Variants in CSMD1 observed in about 807,000 individuals in gnomAD.
CSMD1 encodes the protein CUB and sushi domain-containing protein 1.
A neutral mutation model predicts 417.5 loss-of-function variants in CSMD1; 213 were observed. That is an observed-to-expected ratio of 0.51 (90% confidence interval 0.46 to 0.57). The LOEUF is 0.57. Ranked by LOEUF, CSMD1 falls within the 20% of genes least tolerant of loss-of-function variation. CSMD1 has a pLI of 0.00. For missense variants in CSMD1, 6,923 were observed against 4,529.7 expected (o/e 1.53, Z -15.17); for synonymous variants, 2,862 against 1,736.8 (o/e 1.65, Z -16.11).
chr8:3,484,174 A>C (rs980269446), intron 11 of CSMD1, among the ~76,000 whole-genome samples: 1 of 152,228 alleles, frequency 6.6e-6, no homozygotes, highest in African/African-American at 2.4e-5. Flanking sequence ...ACTCCGCCTG[A>C]TATTAACATT....
chr8:4,474,928 G>A (rs1191593264), intron 2 of CSMD1, among the ~76,000 whole-genome samples: 1 of 152,128 alleles, frequency 6.6e-6, no homozygotes, highest in African/African-American at 2.4e-5. Context: ...TACAAAATGT[G>A]TTAATTGACG....
At chr8:3,301,674 T>C (rs1042670561) in intron 25 of CSMD1, among the ~76,000 whole-genome samples, 1 of 152,108 alleles carries the variant, frequency 6.6e-6, no homozygotes. Flanking sequence ...GTCGAAAGTA[T>C]CCATGAGCAG....
chr8:3,958,676 G>C (rs900051090), intron 5 of CSMD1, among the ~76,000 whole-genome samples: 6 of 152,134 alleles, frequency 3.9e-5, no homozygotes, highest in Non-Finnish European at 7.4e-5. Context: ...AAATGTCAAA[G>C]AGGGAAATGG....
At position 3,553,168 on chromosome 8, in the gene CSMD1, C is replaced by T. The variant is rs76758913; in HGVS notation, c.1344+21777G>A. Among the ~76,000 whole-genome samples the T allele has an allele frequency of 8.2e-4, 125 of 151,660 alleles. No homozygotes were observed. In the East Asian group the frequency reaches 0.023, roughly 28 times the overall value. ...AAGACCTACTCTGAATATCTTTCAT[C>T]AGTTTCAGGCTGTGCTAAATGCAAT... On this transcript the variant is annotated intron_variant, in intron 10 of 69. Transcript: ENST00000635120.
rs141522066 is a variant in CSMD1 at position 4,668,166 on chromosome 8, T to C, written c.86-30608A>G. ...TTTTCTGAAGTTTAATCAACTGCAC[T>C]GCCATGGATTTGAGTATAATAACTT... On this transcript the variant is annotated intron_variant, in intron 1 of 69. Coordinates refer to ENST00000635120, the MANE Select transcript of CSMD1 (RefSeq NM_033225.6). Among the ~76,000 whole-genome samples, 832 of 152,276 alleles carry C rather than the reference T, an allele frequency of 5.5e-3. 8 individuals are homozygous for C. Among genetic ancestry groups the C allele is most frequent in the African/African-American group, 0.018 (760 of 41,564 alleles).
chr8:3,086,267 T>G (rs1037920663), intron 49 of CSMD1, among the ~76,000 whole-genome samples: 2 of 152,218 alleles, frequency 1.3e-5, no homozygotes, highest in Non-Finnish European at 2.9e-5. Flanking sequence ...TATTTTACAT[T>G]AAATACGAAT....
At chr8:4,298,057 G>C (rs972442748) in intron 3 of CSMD1, among the ~76,000 whole-genome samples, 3 of 152,090 alleles carry the variant, frequency 2.0e-5, no homozygotes, top group Non-Finnish European at 2.9e-5. Flanking sequence ...ATCACTACCA[G>C]TACATGCTAG....
intron 60 of CSMD1, 87 bp from the exon 61 acceptor site, chr8:2,962,726 T>C: frequency 7.4e-7 from 1 of 1,356,050 alleles, no homozygotes; most frequent in East Asian, 2.4e-5. Context: ...TTCTGTTAAA[T>C]CTTTAGCTTT....
At chr8:3,701,500 G>A (rs985069957) in intron 7 of CSMD1, among the ~76,000 whole-genome samples, 2 of 91,484 alleles carry the variant, frequency 2.2e-5, no homozygotes, top group Admixed American at 1.5e-4. Context: ...CAGGATATAG[G>A]ATTAAACCTT....
chr8:4,606,331 G>A (rs1439836674), intron 2 of CSMD1, among the ~76,000 whole-genome samples: 1 of 151,384 alleles, frequency 6.6e-6, no homozygotes, highest in African/African-American at 2.4e-5. Context: ...GGACTGGGAA[G>A]AAAACAGTCA....
intron 5 of CSMD1, among the ~76,000 whole-genome samples, chr8:3,825,646 A>C (rs1348863553): frequency 2.0e-5 from 3 of 152,156 alleles, no homozygotes; most frequent in Non-Finnish European, 4.4e-5. Context: ...ACAACAGCCA[A>C]ATGCGACTGA....
Position 3,222,362 on chromosome 8 carries a change from T to C in CSMD1, c.4484+1367A>G, listed in dbSNP as rs373150970. On this transcript the variant is annotated intron_variant, in intron 28 of 69. Transcript: ENST00000635120. ...CCAAGGTCTTGCTCTGTTGCTCAGC[T>C]CAGACTAGACACTCATAGCTCATTG... Among the ~76,000 whole-genome samples the C allele has an allele frequency of 1.4e-4, 22 of 152,074 alleles. No homozygotes were observed. In the East Asian group the frequency reaches 3.9e-3, roughly 27 times the overall value.
At chr8:3,274,228 T>C (rs923196199) in intron 26 of CSMD1, among the ~76,000 whole-genome samples, 1 of 151,876 alleles carries the variant, frequency 6.6e-6, no homozygotes, top group African/African-American at 2.4e-5. Flanking sequence ...TTCCATGTAG[T>C]TGAGCGGTTT....
intron 3 of CSMD1, among the ~76,000 whole-genome samples, chr8:4,358,406 C>G (rs775643133): frequency 6.6e-6 from 1 of 152,028 alleles, no homozygotes; most frequent in Non-Finnish European, 1.5e-5. Flanking sequence ...TTTCGTGACA[C>G]GTGAAAATAT....
intron 3 of CSMD1, among the ~76,000 whole-genome samples, chr8:4,123,466 G>C (rs529981723): frequency 6.6e-6 from 1 of 152,236 alleles, no homozygotes; most frequent in South Asian, 2.1e-4. Flanking sequence ...TCATTATTGT[G>C]GGTAAATCAG....
At chr8:4,906,535 A>G (rs1394585706) in intron 1 of CSMD1, among the ~76,000 whole-genome samples, 1 of 151,860 alleles carries the variant, frequency 6.6e-6, no homozygotes, top group African/African-American at 2.4e-5. Flanking sequence ...AATATTTTAA[A>G]TAAGTTTGTC....
intron 3 of CSMD1, among the ~76,000 whole-genome samples, chr8:4,308,661 A>G (rs1013499758): frequency 1.3e-5 from 2 of 152,216 alleles, no homozygotes; most frequent in African/African-American, 4.8e-5. Context: ...ACAGTTTATA[A>G]GAGGCTTTAC....
chr8:4,760,644 G>A (rs1811979037), intron 1 of CSMD1, among the ~76,000 whole-genome samples: 1 of 152,130 alleles, frequency 6.6e-6, no homozygotes, highest in African/African-American at 2.4e-5. Flanking sequence ...GTATAAGTAT[G>A]CTGGTATCAT....
At chr8:3,617,857 G>C (rs962830223) in intron 7 of CSMD1, among the ~76,000 whole-genome samples, 1 of 152,256 alleles carries the variant, frequency 6.6e-6, no homozygotes, top group East Asian at 1.9e-4. Context: ...ATTTGTAGCT[G>C]AAAGGTATAC....
Sources: allele counts gnomAD v4.1 joint callset (sites outside exome capture counted in the v4.1 genomes callset), GRCh38; gene constraint gnomAD v4.1.1; transcripts MANE v1.5; gene names NCBI Gene and HGNC (gene_info 2026-07-23, HGNC 2026-07-21).